Variants in IRGM observed in about 807,000 individuals in gnomAD.
IRGM encodes the protein immunity related GTPase M, also known as immunity-related GTPase family M protein.
For synonymous variants in IRGM, 98 were observed against 80.6 expected (o/e 1.22, Z -1.16); for missense variants, 288 against 219.9 (o/e 1.31, Z -1.96).
At chr5:150,898,067 C>G (rs1262121769) in intron 3 of IRGM, 2 of 1,609,108 alleles carry the variant, frequency 1.2e-6, no homozygotes, top group South Asian at 2.2e-5. Context: ...CTTCCCTTGT[C>G]TCCCATCTGC....
At chr5:150,889,344 A>C (rs1251495009) in intron 3 of IRGM, among the ~76,000 whole-genome samples, 1 of 151,788 alleles carries the variant, frequency 6.6e-6, no homozygotes, top group Non-Finnish European at 1.5e-5. Context: ...TGTGCAGGGA[A>C]ACTCCCCCTT....
chr5:150,885,238 T>G (rs1187004724), intron 3 of IRGM, among the ~76,000 whole-genome samples: 2 of 152,076 alleles, frequency 1.3e-5, no homozygotes, highest in Non-Finnish European at 2.9e-5. Flanking sequence ...TGTGCAGCCT[T>G]ATTTTGGAGC....
chr5:150,848,461 A>G lies in IRGM; in HGVS notation c.338A>G (p.Tyr113Cys), dbSNP rs888198292. Residue 113 changes from tyrosine to cysteine, a missense_variant, in exon 2 of 2, where the codon TAT (tyrosine) becomes TGT (cysteine). Tyr to Cys is a radical substitution (Grantham distance 194). Transcript: ENST00000522154. ...CTGATGGAAATGCAGTTCAACCGGT[A>G]TGACTTCATCATGGTTGCATCTGCA... The part of the protein sequence containing the change: ...NYLMEMQFNR[Y>C]DFIMVASAQF... 3.2e-6 allele frequency: 5 copies of G among 1,551,830 alleles called. No homozygotes were observed. The highest frequency in any genetic ancestry group is 2.0e-5 in the Admixed American group (1 of 51,014).
At chr5:150,878,203 T>A (rs921895202) in intron 2 of IRGM, 14 of 371,086 alleles carry the variant, frequency 3.8e-5, no homozygotes, top group African/African-American at 2.1e-5. Flanking sequence ...TGTTAATGCT[T>A]CCTAACTTTG....
chr5:150,864,167 G>A (rs988281781), intron 1 of IRGM, among the ~76,000 whole-genome samples: 3 of 152,180 alleles, frequency 2.0e-5, no homozygotes, highest in Non-Finnish European at 2.9e-5. Context: ...TTACCTGGGA[G>A]GAACTAGTTG....
intron 3 of IRGM, among the ~76,000 whole-genome samples, chr5:150,883,026 C>A (rs565036146): frequency 6.6e-6 from 1 of 152,028 alleles, no homozygotes; most frequent in Admixed American, 6.6e-5. Flanking sequence ...CTTTTCCAGC[C>A]AAAATGGTAT....
In IRGM at chr5:150,888,005, C is replaced by T. The variant is rs10064334; in HGVS notation, c.*140+8359C>T. Among the ~76,000 whole-genome samples, 7 of 151,748 alleles carry T rather than the reference C, an allele frequency of 4.6e-5. No homozygotes were observed. The South Asian group carries it at 6.2e-4, about 14-fold the overall frequency. ...TCCACTTAAAAGGCACTGAGTGGCCCGCTGGATAAAAAAGCAAGACCCAAT... is the reference window on the plus strand; with the variant it reads ...TCCACTTAAAAGGCACTGAGTGGCCTGCTGGATAAAAAAGCAAGACCCAAT... On this transcript the variant is annotated intron_variant and NMD_transcript_variant, in intron 3 of 3. Coordinates refer to the IRGM transcript ENST00000520549.
intron 1 of IRGM, among the ~76,000 whole-genome samples, chr5:150,857,201 G>A (rs1304111753): frequency 5.9e-5 from 9 of 151,858 alleles, no homozygotes; most frequent in East Asian, 1.9e-4. Flanking sequence ...TTGTCCTTGC[G>A]ATAGTTTGCT....
chr5:150,896,626 T>C, intron 3 of IRGM: 1 of 1,613,692 alleles, frequency 6.2e-7, no homozygotes, highest in Non-Finnish European at 8.5e-7. Flanking sequence ...GAATTGCTCT[T>C]ATAACAACTC....
At chr5:150,852,862 A>G (rs1424761684), downstream of IRGM, among the ~76,000 whole-genome samples, 3 of 152,064 alleles carry the variant, frequency 2.0e-5, no homozygotes, top group African/African-American at 7.2e-5. Flanking sequence ...TTAAGAGTGC[A>G]TATTGTTGAA....
rs1753891597 is a variant in IRGM, at chr5:150,847,692, CTCT to C, written c.-415-13_-415-11del. ...TACCCTGTCCATCCTAACTCACCTG[CTCT>C]TCTACTTCCGCAGCTTACTCCAGTG... On this transcript the variant is annotated splice_polypyrimidine_tract_variant and intron_variant, in intron 1 of 1. Transcript: ENST00000522154. The C allele has an allele frequency of 5.7e-6, 1 of 174,406 alleles. No homozygotes were observed. Among genetic ancestry groups the C allele is most frequent in the Non-Finnish European group, 1.2e-5 (1 of 80,136 alleles). 10.8% of individuals were successfully genotyped at this position (174,406 alleles called of 1,614,324 possible). A position where few individuals can be genotyped will look rare whatever the true frequency, so the allele number is the denominator to read the frequency against.
intron 1 of IRGM, among the ~76,000 whole-genome samples, chr5:150,856,915 T>C (rs1754062347): frequency 5.1e-5 from 1 of 19,606 alleles, no homozygotes. Flanking sequence ...AAATAAATAT[T>C]TATTATTTAT....
chr5:150,865,917 C>T (rs187892465), intron 1 of IRGM, among the ~76,000 whole-genome samples: 255 of 152,112 alleles, frequency 1.7e-3, no homozygotes, highest in African/African-American at 5.7e-3. Flanking sequence ...CCACCATGCC[C>T]GGCTAATTTT....
At chr5:150,883,244 G>A (rs934680947) in intron 3 of IRGM, among the ~76,000 whole-genome samples, 8 of 151,722 alleles carry the variant, frequency 5.3e-5, no homozygotes, top group Non-Finnish European at 8.8e-5. Flanking sequence ...ACTCTATTGC[G>A]CACTAATGAA....
chr5:150,902,093 G>A (rs970477452), downstream of IRGM, among the ~76,000 whole-genome samples: 1 of 152,158 alleles, frequency 6.6e-6, no homozygotes, highest in African/African-American at 2.4e-5. Context: ...TATCCTGGGA[G>A]AAGGTGAGTT....
chr5:150,886,694 G>A (rs1056703645), intron 3 of IRGM, among the ~76,000 whole-genome samples: 1 of 151,986 alleles, frequency 6.6e-6, no homozygotes, highest in African/African-American at 2.4e-5. Context: ...GCATAGAGAT[G>A]TTCAAAGTAG....
chr5:150,901,884 C>T (rs1006893694), downstream of IRGM, among the ~76,000 whole-genome samples: 1 of 152,056 alleles, frequency 6.6e-6, no homozygotes, highest in African/African-American at 2.4e-5. Flanking sequence ...ATACAAAAGA[C>T]CTTTATATTG....
chr5:150,897,531 A>C (rs1011720099), intron 3 of IRGM: 2 of 155,586 alleles, frequency 1.3e-5, no homozygotes, highest in African/African-American at 4.8e-5. Context: ...AAAACTAGTA[A>C]AGTTCTCCCA....
chr5:150,850,646 C>T (rs1011693752), downstream of IRGM, among the ~76,000 whole-genome samples: 2 of 152,130 alleles, frequency 1.3e-5, no homozygotes, highest in African/African-American at 2.4e-5. Context: ...ACTTGAGCCT[C>T]GAACTCATGG....
Sources: allele counts gnomAD v4.1 joint callset (sites outside exome capture counted in the v4.1 genomes callset), GRCh38; gene constraint gnomAD v4.1.1; transcripts MANE v1.5; gene names NCBI Gene and HGNC (gene_info 2026-07-23, HGNC 2026-07-21).